Variants in KIAA1328 observed in about 807,000 individuals in gnomAD.
KIAA1328 encodes the protein KIAA1328.
KIAA1328 carries 52 observed loss-of-function variants against 68.1 expected under a neutral mutation model. The observed-to-expected ratio is 0.76, with a 90% CI of 0.61 to 0.96. The LOEUF (loss-of-function observed/expected upper bound fraction) is 0.96. KIAA1328 is among the 40% of genes least tolerant of loss of function. The pLI, the probability that KIAA1328 is intolerant of heterozygous loss-of-function variation, is 0.00. For missense variants in KIAA1328, 641 were observed against 677.6 expected, an observed-to-expected ratio of 0.95 and a Z score of 0.60; for synonymous variants, 232 against 239.4, an observed-to-expected ratio of 0.97 and a Z score of 0.28.
chr18:36,920,928 C>G (rs992673829), intron 5 of KIAA1328: 1 of 152,274 alleles, frequency 6.6e-6, no homozygotes, highest in African/African-American at 2.4e-5. Flanking sequence ...TCCTTAGCTT[C>G]CATGCATGCC....
intron 9 of KIAA1328, among the ~76,000 whole-genome samples, chr18:37,216,901 T>C (rs1323080491): frequency 2.0e-4 from 28 of 143,004 alleles, no homozygotes; most frequent in African/African-American, 3.8e-4. Flanking sequence ...CTTTGTCTCT[T>C]TTTTTTTTTT....
intron 5 of KIAA1328, among the ~76,000 whole-genome samples, chr18:36,903,164 G>A (rs1367495962): frequency 6.6e-6 from 1 of 152,048 alleles, no homozygotes; most frequent in South Asian, 2.1e-4. Context: ...ATCAGTGTGT[G>A]TGGTATATTC....
chr18:36,894,805 G>T (rs1165979882), intron 5 of KIAA1328, among the ~76,000 whole-genome samples: 1 of 152,094 alleles, frequency 6.6e-6, no homozygotes, highest in East Asian at 1.9e-4. Context: ...GATTACAAAC[G>T]TGAGCCACTG....
intron 6 of KIAA1328, among the ~76,000 whole-genome samples, chr18:37,065,621 G>A (rs1379394569): frequency 6.6e-6 from 1 of 152,194 alleles, no homozygotes; most frequent in African/African-American, 2.4e-5. Flanking sequence ...GCTACCCTTG[G>A]AAGAGTCTGA....
chr18:37,022,376 A>G (rs1043000800), intron 6 of KIAA1328, among the ~76,000 whole-genome samples: 5 of 152,206 alleles, frequency 3.3e-5, no homozygotes, highest in African/African-American at 7.2e-5. Context: ...ATCACCCACT[A>G]TACTCCCAGT....
intron 6 of KIAA1328, among the ~76,000 whole-genome samples, chr18:37,001,312 A>T (rs1215027444): frequency 6.6e-6 from 1 of 152,132 alleles, no homozygotes; most frequent in East Asian, 1.9e-4. Context: ...TCCTACCAAG[A>T]TTGAATCAGG....
At chr18:36,936,173 A>G (rs541430021) in intron 5 of KIAA1328, among the ~76,000 whole-genome samples, 146 of 152,260 alleles carry the variant, frequency 9.6e-4, no homozygotes, top group African/African-American at 3.4e-3. Flanking sequence ...TTCTAAAAAA[A>G]AAATGGGATT....
downstream of KIAA1328, chr18:37,225,357 C>T: frequency 1.0e-6 from 1 of 961,648 alleles, no homozygotes; most frequent in Non-Finnish European, 1.2e-6. Flanking sequence ...ATTGAATTGT[C>T]CCTTGAACAT....
chr18:37,152,916 C>G (rs1051940737), intron 7 of KIAA1328, among the ~76,000 whole-genome samples: 1 of 152,090 alleles, frequency 6.6e-6, no homozygotes, highest in African/African-American at 2.4e-5. Context: ...CAGGTAAATG[C>G]TGGCAGCTGT....
intron 7 of KIAA1328, among the ~76,000 whole-genome samples, chr18:37,106,303 G>C (rs567511462): frequency 5.6e-4 from 85 of 152,264 alleles, no homozygotes; most frequent in African/African-American, 2.0e-3. Flanking sequence ...AAGTATATTA[G>C]TGATTGCCTA....
intron 6 of KIAA1328, among the ~76,000 whole-genome samples, chr18:36,993,463 T>C (rs2053269141): frequency 6.6e-6 from 1 of 152,196 alleles, no homozygotes; most frequent in African/African-American, 2.4e-5. Flanking sequence ...AAATAAATGG[T>C]ATAGCTATTA....
At chr18:36,906,645 A>T (rs1435246283) in intron 5 of KIAA1328, among the ~76,000 whole-genome samples, 2 of 152,090 alleles carry the variant, frequency 1.3e-5, no homozygotes, top group African/African-American at 2.4e-5. Flanking sequence ...TATGGGGTAC[A>T]TGAGATATTT....
Position 36,975,792 on chromosome 18 carries a change from T to C in KIAA1328, c.576+16357T>C, listed in dbSNP as rs1475434896. On this transcript the variant is annotated intron_variant, in intron 6 of 9. Transcript: ENST00000280020. ...TAAAGCTTTTTGTTTCTTTTTCTCT[T>C]GTTGGTCTGTCTTTTGTTACAGAGA... 2.6e-5 allele frequency among the ~76,000 whole-genome samples: 4 copies of C among 152,222 alleles called. No individual in the cohort carries two copies. The East Asian group carries it at 7.7e-4, about 29-fold the overall frequency.
intron 1 of KIAA1328, among the ~76,000 whole-genome samples, chr18:36,832,158 A>G (rs1023138140): frequency 1.3e-5 from 2 of 152,188 alleles, no homozygotes; most frequent in South Asian, 2.1e-4. Flanking sequence ...TCTTAATATA[A>G]TGAGATGAAA....
Position 36,835,383 on chromosome 18 carries a change from AT to A in KIAA1328, c.237+14del, listed in dbSNP as rs1158949724. On this transcript the variant is annotated splice_region_variant and intron_variant, in intron 3 of 9. Transcript: ENST00000280020. ...AGATTCAGTAGATGAACAGGTTAGT[AT>A]TTTTTTCGTCTTTTTTTTTCCTTGC... 1 of 1,604,048 alleles carries A rather than the reference AT, an allele frequency of 6.2e-7. No homozygotes were observed. The highest frequency in any genetic ancestry group is 8.5e-7 in the Non-Finnish European group (1 of 1,176,262).
At chr18:36,932,161 C>G (rs2050334344) in intron 5 of KIAA1328, among the ~76,000 whole-genome samples, 1 of 152,086 alleles carries the variant, frequency 6.6e-6, no homozygotes, top group African/African-American at 2.4e-5. Context: ...TCGTATTAGA[C>G]ACCTCAGTGA....
chr18:37,140,733 A>G (rs1007693116), intron 7 of KIAA1328, among the ~76,000 whole-genome samples: 2 of 152,146 alleles, frequency 1.3e-5, no homozygotes, highest in African/African-American at 4.8e-5. Flanking sequence ...TTTTTTCATC[A>G]CTTTTAACAG....
At chr18:37,151,319 C>T (rs1348990852) in intron 7 of KIAA1328, among the ~76,000 whole-genome samples, 3 of 152,062 alleles carry the variant, frequency 2.0e-5, no homozygotes, top group African/African-American at 7.2e-5. Context: ...TTTGACCAGT[C>T]GGTATTGTTA....
chr18:37,202,335 T>G (rs2154219483), intron 9 of KIAA1328, among the ~76,000 whole-genome samples: 1 of 152,340 alleles, frequency 6.6e-6, no homozygotes, highest in South Asian at 2.1e-4. Context: ...TATATTGGGT[T>G]GGTAATCTTT....
Sources: gnomAD v4.1 joint callset for allele counts (sites outside exome capture counted in the v4.1 genomes callset) on GRCh38, gnomAD v4.1.1 for gene constraint, MANE v1.5 for transcripts, NCBI Gene and HGNC (gene_info 2026-07-23, HGNC 2026-07-21) for gene names.